Variants in SPTBN5 observed in about 807,000 individuals in gnomAD.
SPTBN5 encodes spectrin beta, non-erythrocytic 5.
SPTBN5 carries 513 observed loss-of-function variants against 477.6 expected under a neutral mutation model. The observed-to-expected ratio is 1.07, with a 90% CI of 1.00 to 1.16. The LOEUF is 1.16. Among genes scored for constraint, SPTBN5 ranks in the 50% most tolerant of loss-of-function variants. The pLI, the probability that SPTBN5 is intolerant of heterozygous loss-of-function variation, is 0.00. For synonymous variants in SPTBN5, 2,169 were observed against 2,011.7 expected (o/e 1.08, Z -2.09); for missense variants, 5,062 against 4,731.8 (o/e 1.07, Z -2.05).
chr15:41,851,885 A>G (rs781659873), intron 62 of SPTBN5, 35 bp from the exon 63 acceptor site: 15 of 1,564,080 alleles, frequency 9.6e-6, no homozygotes, highest in Non-Finnish European at 1.3e-5. Flanking sequence ...AAATGTCAGG[A>G]CCAGCACCCT....
intron 41 of SPTBN5, among the ~76,000 whole-genome samples, 171 bp from the exon 42 acceptor site, chr15:41,863,074 G>A (rs550158720): frequency 6.6e-6 from 1 of 152,366 alleles, no homozygotes; most frequent in African/African-American, 2.4e-5. Flanking sequence ...ACGATTCTGA[G>A]GAGCAACTCT....
At chr15:41,886,586 A>G (rs1472513037) in intron 6 of SPTBN5, among the ~76,000 whole-genome samples, 1 of 152,196 alleles carries the variant, frequency 6.6e-6, no homozygotes, top group Non-Finnish European at 1.5e-5. Flanking sequence ...GGGTGAGGCT[A>G]TCCTGCCTTC....
chr15:41,870,309 A>G lies in SPTBN5; in HGVS notation c.5607T>C (p.Cys1869=). The G allele has an allele frequency of 3.8e-6, 6 of 1,562,304 alleles. No individual in the cohort carries two copies. The highest frequency in any genetic ancestry group is 5.2e-6 in the Non-Finnish European group (6 of 1,153,482). Residue 1869 remains cysteine (C), a synonymous_variant, in exon 31 of 68, where the codon TGT becomes TGC. Coordinates refer to ENST00000320955, the MANE Select transcript of SPTBN5 (RefSeq NM_016642.4). ...GGCTTCTCAGCTGCGCCTCCAGCCC[A>G]CACAGGTCCCGTGCCACATTGTTGG... is the stretch of plus-strand genomic sequence containing the variant. ...SLPNNVARDL[C]GLEAQLRSHQ...
At chr15:41,867,476 C>A in intron 35 of SPTBN5, 62 bp downstream of exon 35, 3 of 1,498,358 alleles carry the variant, frequency 2.0e-6, no homozygotes, top group South Asian at 1.1e-5. Flanking sequence ...CCCGTGACCC[C>A]CTTCAGGACT....
chr15:41,881,967 C>T lies in SPTBN5; in HGVS notation c.2426G>A (p.Arg809Gln), dbSNP rs1300439227. The change falls in exon 12 of 68, where the codon CGG becomes CAG. Residue 809 changes from arginine (R) to glutamine (Q), a missense_variant. By Grantham distance (43) the Arg-to-Gln change is conservative. Coordinates refer to ENST00000320955, the MANE Select transcript of SPTBN5 (RefSeq NM_016642.4). Reference sequence around the variant, plus strand: ...TAACGACGCCCGGGCCGAGGCCGCCCGCCCCTGCTCCTCCAGCCGCCGCAG... The same window carrying T: ...TAACGACGCCCGGGCCGAGGCCGCCTGCCCCTGCTCCTCCAGCCGCCGCAG... Reference protein sequence around the residue: ...AELRRLEEQGRAASARASLFT... With the variant: ...AELRRLEEQGQAASARASLFT... 3 of 1,537,710 alleles carry T rather than the reference C, an allele frequency of 2.0e-6. No individual in the cohort carries two copies. Among genetic ancestry groups the T allele is most frequent in the Non-Finnish European group, 2.6e-6 (3 of 1,151,848 alleles).
intron 3 of SPTBN5, among the ~76,000 whole-genome samples, chr15:41,891,338 C>T (rs1219910334): frequency 1.3e-5 from 2 of 152,154 alleles, no homozygotes; most frequent in Admixed American, 6.5e-5. Context: ...TCCTGGGTGT[C>T]CCCCTAGGTA....
rs779094411 is a variant in SPTBN5, at chr15:41,862,190, G to T, written c.7488C>A (p.Ser2496Arg). 1.9e-6 allele frequency: 3 copies of T among 1,609,892 alleles called. No individual in the cohort carries two copies. The highest frequency in any genetic ancestry group is 2.5e-6 in the Non-Finnish European group (3 of 1,178,124). ...CTTCCACAGGGCTGCGAGGAGCGGG[G>T]CTCGTGTCCATCTGAGCCCGCAGCC... ...AQRLRAQMDT[S>R]PAPRSPVEAR... The change falls in exon 44 of 68, where the codon AGC becomes AGA. Residue 2496 changes from serine to arginine, a missense_variant. Coordinates refer to ENST00000320955, the MANE Select transcript of SPTBN5 (RefSeq NM_016642.4).
intron 16 of SPTBN5, 52 bp downstream of exon 16, chr15:41,879,208 G>C: frequency 6.4e-7 from 1 of 1,564,998 alleles, no homozygotes; most frequent in Admixed American, 1.7e-5. Flanking sequence ...CCCTGCCCAC[G>C]CCTTCCCATG....
rs1450036914 is a variant in SPTBN5, at chr15:41,886,004, C to G, written c.1251G>C (p.Arg417Ser). The change falls in exon 7 of 68, where the codon AGG becomes AGC. Residue 417 changes from arginine to serine, a missense_variant. By Grantham distance (110) the Arg-to-Ser change is moderately radical (BLOSUM62 -1). Coordinates refer to ENST00000320955, the MANE Select transcript of SPTBN5 (RefSeq NM_016642.4). ...EAARSQALQQRLLQLQRLETL... is the reference protein window; with the variant it reads ...EAARSQALQQSLLQLQRLETL... ...TTTCTAGCCGCTGCAGCTGCAGTAG[C>G]CTCTGCTGCAGGGCCTGGCTCCTTG... is the stretch of plus-strand genomic sequence containing the variant. The G allele has an allele frequency of 1.3e-6, 2 of 1,551,326 alleles. No homozygotes were observed. The highest frequency in any genetic ancestry group is 1.7e-6 in the Non-Finnish European group (2 of 1,149,748).
At chr15:41,873,368 C>A in intron 26 of SPTBN5, 124 bp downstream of exon 26, 1 of 731,260 alleles carries the variant, frequency 1.4e-6, no homozygotes, top group Non-Finnish European at 2.3e-6. Flanking sequence ...GGGGATGGGG[C>A]TGTCTGTGTC....
chr15:41,863,937 A>C lies in SPTBN5; in HGVS notation c.7006T>G (p.Cys2336Gly), dbSNP rs746438262. 6.2e-7 allele frequency: 1 copy of C among 1,613,796 alleles called. No individual in the cohort carries two copies. Among genetic ancestry groups the C allele is most frequent in the Non-Finnish European group, 8.5e-7 (1 of 1,179,880 alleles). ...TTGTTGAGCTGGCTTCGCCGCTGGC[A>C]GATGATCTTGACTTCCTCAGGGTCC... ...NRDPEEVKII[C>G]QRRSQLNNRW... Residue 2336 changes from cysteine to glycine, a missense_variant, in exon 40 of 68, where the codon TGC (cysteine) becomes GGC (glycine). Physicochemically the swap from Cys to Gly is radical, Grantham distance 159. Coordinates refer to ENST00000320955, the MANE Select transcript of SPTBN5 (RefSeq NM_016642.4).
At position 41,860,684 on chromosome 15, in the gene SPTBN5, T is replaced by C. The variant is rs776544033; in HGVS notation, c.7890A>G (p.Gly2630=). 6.3e-7 allele frequency: 1 copy of C among 1,589,624 alleles called. No homozygotes were observed. Among genetic ancestry groups the C allele is most frequent in the Non-Finnish European group, 8.6e-7 (1 of 1,168,920 alleles). The part of the protein sequence containing the change: ...MLEWDLEVQA[G]KISALEATAR... ...CCGTGGCCTCCAGAGCACTGATCTT[T>C]CCCGCCTGCACCTCCAGGTCCCACT... Residue 2630 remains glycine, a synonymous_variant, in exon 47 of 68, where the codon GGA becomes GGG. Transcript: ENST00000320955.
At position 41,887,969 on chromosome 15, in the gene SPTBN5, C is replaced by T. The variant is rs777992056; in HGVS notation, c.618G>A (p.Trp206Ter). ...NVNITDFSRS[W>*]SDGLGFNALI... Reference sequence around the variant, plus strand: ...GGGCATTGAAGCCCAGCCCATCGCTCCAGCTTCGGGAGAAATCTGTAATGT... The same window carrying T: ...GGGCATTGAAGCCCAGCCCATCGCTTCAGCTTCGGGAGAAATCTGTAATGT... Residue 206 changes from tryptophan to a stop codon, truncating the protein, a stop_gained, in exon 5 of 68, where the codon TGG becomes TGA. Coordinates refer to ENST00000320955, the MANE Select transcript of SPTBN5 (RefSeq NM_016642.4). LOFTEE classifies it high-confidence loss of function. The T allele has an allele frequency of 2.5e-6, 4 of 1,608,608 alleles. No individual in the cohort carries two copies. In the Admixed American group the frequency reaches 5.1e-5, roughly 20 times the overall value.
chr15:41,864,077 C>CTT lies in SPTBN5; in HGVS notation c.6919-55_6919-54dup, dbSNP rs2077048153. 63 of 1,467,336 alleles carry CTT rather than the reference C, an allele frequency of 4.3e-5. No homozygotes were observed. The Middle Eastern group carries it at 7.7e-4, about 18-fold the overall frequency. 90.9% of individuals were successfully genotyped at this position (1,467,336 alleles called of 1,614,324 possible). On this transcript the variant is annotated intron_variant, in intron 39 of 67. Coordinates refer to ENST00000320955, the MANE Select transcript of SPTBN5 (RefSeq NM_016642.4). ...TGGCACCCCCCATGCAGAGCCCCTT[C>CTT]TTCCCACCTCAGCAGGCACTGAAAG...
In SPTBN5 at chr15:41,875,004, G is replaced by A. The variant is rs1595487432; in HGVS notation, c.4340C>T (p.Thr1447Ile). The change falls in exon 23 of 68, where the codon ACA becomes ATA. Residue 1447 changes from threonine to isoleucine, a missense_variant. Coordinates refer to ENST00000320955, the MANE Select transcript of SPTBN5 (RefSeq NM_016642.4). ...QLEGALQSSETGQDLRSSQRL... is the reference protein window; with the variant it reads ...QLEGALQSSEIGQDLRSSQRL... ...CTGGCTGGAGCGCAGGTCCTGCCCT[G>A]TTTCCGAGCTCTGTAGGGCCCCTTC... 3 of 1,613,564 alleles carry A rather than the reference G, an allele frequency of 1.9e-6. No individual in the cohort carries two copies. The highest frequency in any genetic ancestry group is 2.5e-6 in the Non-Finnish European group (3 of 1,179,864).
Position 41,866,175 on chromosome 15 carries a change from G to C in SPTBN5, c.6685C>G (p.Arg2229Gly). 1 of 1,572,096 alleles carries C rather than the reference G, an allele frequency of 6.4e-7. No individual in the cohort carries two copies. The highest frequency in any genetic ancestry group is 8.6e-7 in the Non-Finnish European group (1 of 1,160,378). The part of the protein sequence containing the change: ...SHPRAGEVSQ[R>G]LQGLRKHWED... ...CAGTGCTTCCGCAGGCCCTGCAGCC[G>C]CTGGGAGACCTCTCCGGCTCGAGGG... Residue 2229 changes from arginine to glycine, a missense_variant, in exon 38 of 68, where the codon CGG (arginine) becomes GGG (glycine). Arg to Gly is a moderately radical substitution (Grantham distance 125). Transcript: ENST00000320955.
intron 17 of SPTBN5, among the ~76,000 whole-genome samples, chr15:41,877,591 C>T (rs2066787358): frequency 6.6e-6 from 1 of 152,256 alleles, no homozygotes; most frequent in African/African-American, 2.4e-5. Flanking sequence ...GCGGAGGCAG[C>T]ACAGTGTGAG....
In SPTBN5 at chr15:41,890,178, T is replaced by C; in HGVS notation, c.412A>G (p.Asn138Asp). The change falls in exon 4 of 68, where the codon AAC becomes GAC. Residue 138 changes from asparagine to aspartate, a missense_variant. Transcript: ENST00000320955. ...AGTGTCTGGTCTCCGTCCACGATGT[T>C]CTCTGGCCCGATGAGTGGTACTGGC... Reference protein sequence around the residue: ...KVPVPLIGPENIVDGDQTLIL... With the variant: ...KVPVPLIGPEDIVDGDQTLIL... 1 of 1,612,890 alleles carries C rather than the reference T, an allele frequency of 6.2e-7. No individual in the cohort carries two copies.
intron 17 of SPTBN5, among the ~76,000 whole-genome samples, 155 bp from the exon 18 acceptor site, chr15:41,877,511 C>T (rs953486346): frequency 1.3e-5 from 2 of 152,268 alleles, no homozygotes; most frequent in Admixed American, 6.5e-5. Flanking sequence ...GGTTCCCAAT[C>T]CCCCATCGGC....
Sources: gnomAD v4.1 joint callset for allele counts (sites outside exome capture counted in the v4.1 genomes callset) on GRCh38, gnomAD v4.1.1 for gene constraint, MANE v1.5 for transcripts, NCBI Gene and HGNC (gene_info 2026-07-23, HGNC 2026-07-21) for gene names.